Variants in PRH1 observed in about 807,000 individuals in gnomAD.
PRH1 encodes salivary acidic proline-rich phosphoprotein 1/2.
In PRH1, 7 loss-of-function variants were observed where a neutral mutation model predicts 7.9. The observed-to-expected ratio is 0.89, with a 90% CI of 0.50 to 1.67. The LOEUF is 1.67. Among genes scored for constraint, PRH1 ranks in the 40% most tolerant of loss-of-function variants. The pLI, the probability that PRH1 is intolerant of heterozygous loss-of-function variation, is 0.00. For synonymous variants in PRH1, 45 were observed against 80.8 expected (o/e 0.56, Z 2.38); for missense variants, 109 against 223.6 (o/e 0.49, Z 3.27).
chr12:10,938,894 G>A, intron 2 of PRH1: 1 of 1,613,904 alleles, frequency 6.2e-7, no homozygotes. Context: ...AAAATAAAAA[G>A]TACCGAGGCC....
At chr12:10,984,157 C>T (rs1939494386) in intron 1 of PRH1, among the ~76,000 whole-genome samples, 1 of 152,054 alleles carries the variant, frequency 6.6e-6, no homozygotes, top group Non-Finnish European at 1.5e-5. Context: ...ACAAATATAT[C>T]ATTCACAACT....
At chr12:11,091,589 T>C in intron 1 of PRH1, 2 of 1,340,510 alleles carry the variant, frequency 1.5e-6, no homozygotes, top group South Asian at 1.1e-5. Context: ...TTGAGATCCT[T>C]TACCATGGAG....
At position 10,965,189 on chromosome 12, in the gene PRH1, C is replaced by G. The variant is rs969123746; in HGVS notation, c.-59+8466G>C. 18 of 1,486,898 alleles carry G rather than the reference C, an allele frequency of 1.2e-5. No individual in the cohort carries two copies. In the African/African-American group the frequency reaches 2.5e-4, roughly 21 times the overall value. 92.1% of individuals were successfully genotyped at this position (1,486,898 alleles called of 1,614,324 possible). Reference sequence around the variant, plus strand: ...TAATATTACCCAGAGCAAACCAACTCTGGAGACTGCCAGAGCAGTGAGAAT... The same window carrying G: ...TAATATTACCCAGAGCAAACCAACTGTGGAGACTGCCAGAGCAGTGAGAAT... On this transcript the variant is annotated intron_variant, in intron 2 of 3. Transcript: ENST00000539853.
intron 1 of PRH1, among the ~76,000 whole-genome samples, chr12:11,144,836 G>A (rs1946816958): frequency 6.6e-6 from 1 of 152,202 alleles, no homozygotes; most frequent in African/African-American, 2.4e-5. Context: ...GGTAAAGCCA[G>A]AAACTTCTCC....
rs1446729629 is a variant in PRH1, at chr12:11,080,038, T to C, written n.124-32850A>G. ...TTCATGTAGGGCAAGACATGGAACA[T>C]TGCTAAAAGCCTAGGTTTACCTCAA... On this transcript the variant is annotated intron_variant and non_coding_transcript_variant, in intron 1 of 4. Transcript: ENST00000541977. Among the ~76,000 whole-genome samples the C allele has an allele frequency of 1.0e-3, 127 of 126,540 alleles. 3 individuals are homozygous for C. The East Asian group carries it at 0.015, about 14-fold the overall frequency. 83.0% of individuals were successfully genotyped at this position (126,540 alleles called of 152,430 possible). A position where few individuals can be genotyped will look rare whatever the true frequency, so the allele number is the denominator to read the frequency against.
rs114358562 is a variant in PRH1, at chr12:10,962,097, C to G, written c.-59+11558G>C. Among the ~76,000 whole-genome samples, 705 of 152,304 alleles carry G rather than the reference C, an allele frequency of 4.6e-3. 6 individuals are homozygous for G. The highest frequency in any genetic ancestry group is 0.016 in the African/African-American group (679 of 41,554). On this transcript the variant is annotated intron_variant, in intron 2 of 3. Transcript: ENST00000539853. ...CAAAGAAATGTTATCACTTTAATAT[C>G]AGACACTGGCTCTAGTTCTAGACCT... is the stretch of plus-strand genomic sequence containing the variant.
At chr12:10,923,990 GTTTTTTTTT>G (rs35612831) in intron 2 of PRH1, among the ~76,000 whole-genome samples, 1 of 89,458 alleles carries the variant, frequency 1.1e-5, no homozygotes, top group Admixed American at 1.8e-4. Context: ...TTCTCCATCT[GTTTTTTTTT>G]TTTTTTTTTT....
At chr12:11,055,891 T>A (rs544550820) in intron 1 of PRH1, among the ~76,000 whole-genome samples, 1 of 152,232 alleles carries the variant, frequency 6.6e-6, no homozygotes, top group African/African-American at 2.4e-5. Context: ...TAACTTTTCC[T>A]ACCAAAAGCA....
At chr12:10,940,439 A>G (rs908517355) in intron 2 of PRH1, among the ~76,000 whole-genome samples, 2 of 152,372 alleles carry the variant, frequency 1.3e-5, no homozygotes, top group Non-Finnish European at 2.9e-5. Flanking sequence ...TTCTCTGTAC[A>G]TGTGAGAAGA....
chr12:11,037,384 T>C (rs1942478419), intron 1 of PRH1, among the ~76,000 whole-genome samples: 1 of 152,260 alleles, frequency 6.6e-6, no homozygotes, highest in Non-Finnish European at 1.5e-5. Context: ...AATTTGCCTT[T>C]CTATGGTATT....
intron 1 of PRH1, among the ~76,000 whole-genome samples, chr12:11,168,295 A>AAG (rs1947677675): frequency 8.8e-5 from 2 of 22,694 alleles, no homozygotes; most frequent in African/African-American, 2.8e-4. Context: ...AAAGAAAGAA[A>AAG]GAAAGAAGGA....
intron 1 of PRH1, among the ~76,000 whole-genome samples, chr12:11,031,634 T>G (rs1942223971): frequency 6.6e-6 from 1 of 152,182 alleles, no homozygotes; most frequent in Admixed American, 6.5e-5. Context: ...TTTTTTGTCC[T>G]ATCAGAGTGC....
At chr12:10,904,237 AG>A (rs1462749948) in intron 2 of PRH1, among the ~76,000 whole-genome samples, 1 of 152,118 alleles carries the variant, frequency 6.6e-6, no homozygotes, top group Non-Finnish European at 1.5e-5. Context: ...CTAAGCAAAA[AG>A]AAAAAAGCCA....
At chr12:10,882,139 C>T in intron 3 of PRH1, 78 bp downstream of exon 3, 1 of 1,585,228 alleles carries the variant, frequency 6.3e-7, no homozygotes, top group Non-Finnish European at 8.6e-7. Context: ...AACAGGTTTT[C>T]AGAGGATTCA....
intron 2 of PRH1, among the ~76,000 whole-genome samples, chr12:10,947,840 C>T (rs1950511366): frequency 6.6e-6 from 1 of 152,054 alleles, no homozygotes. Flanking sequence ...TAAATTCCCT[C>T]AACATTTGCT....
chr12:11,022,068 CA>C, intron 1 of PRH1: 4 of 1,613,918 alleles, frequency 2.5e-6, no homozygotes, highest in Non-Finnish European at 3.4e-6. Flanking sequence ...TTGCATTCCT[CA>C]ATTTGATCTT....
intron 1 of PRH1, among the ~76,000 whole-genome samples, chr12:11,158,139 T>C (rs554545791): frequency 6.6e-6 from 1 of 152,300 alleles, no homozygotes; most frequent in African/African-American, 2.4e-5. Flanking sequence ...TGCTGGGTTT[T>C]TTTTCTTTCA....
intron 1 of PRH1, chr12:11,159,240 C>T (rs1351014232): frequency 6.6e-6 from 1 of 151,536 alleles, no homozygotes; most frequent in Non-Finnish European, 1.5e-5. Context: ...TCACAACTCA[C>T]TAATGGCATT....
intron 1 of PRH1, among the ~76,000 whole-genome samples, chr12:11,024,793 T>A (rs557329219): frequency 2.2e-4 from 33 of 152,400 alleles, no homozygotes; most frequent in African/African-American, 7.9e-4. Context: ...TATATATATC[T>A]GGGTGTAGAA....
Sources: allele counts gnomAD v4.1 joint callset (sites outside exome capture counted in the v4.1 genomes callset), GRCh38; gene constraint gnomAD v4.1.1; transcripts MANE v1.5; gene names NCBI Gene and HGNC (gene_info 2026-07-23, HGNC 2026-07-21).